Variants in AFF3 observed in about 807,000 individuals in gnomAD.
The protein encoded by AFF3 is AF4/FMR2 family member 3.
Under a neutral mutation model 129.7 loss-of-function variants are expected in AFF3, and 32 were observed. The ratio of observed to expected loss-of-function variants is 0.25; its 90% CI spans 0.19 to 0.33. The LOEUF is 0.33. AFF3 is among the 10% of genes least tolerant of loss of function. AFF3 has a pLI of 1.00. For synonymous variants in AFF3, 644 were observed against 635.4 expected, an observed-to-expected ratio of 1.01 and a Z score of -0.20; for missense variants, 1,373 against 1,592.0, an observed-to-expected ratio of 0.86 and a Z score of 2.34.
intron 7 of AFF3, among the ~76,000 whole-genome samples, chr2:99,952,783 C>T (rs1311481283): frequency 6.6e-6 from 1 of 152,170 alleles, no homozygotes; most frequent in Non-Finnish European, 1.5e-5. Context: ...CTGACTCACT[C>T]AGGCAGGGCA....
chr2:99,949,968 T>C (rs1675988927), intron 7 of AFF3, among the ~76,000 whole-genome samples: 1 of 152,226 alleles, frequency 6.6e-6, no homozygotes, highest in African/African-American at 2.4e-5. Flanking sequence ...TGGAATAAAA[T>C]GTCTTTTCAC....
intron 13 of AFF3, among the ~76,000 whole-genome samples, chr2:99,648,817 G>A (rs1191678288): frequency 1.3e-5 from 2 of 151,128 alleles, no homozygotes; most frequent in Non-Finnish European, 2.9e-5. Context: ...TCCTCCTGCT[G>A]CTTCTAATGC....
chr2:99,757,794 C>T (rs1682245977), intron 8 of AFF3, among the ~76,000 whole-genome samples: 1 of 152,212 alleles, frequency 6.6e-6, no homozygotes, highest in African/African-American at 2.4e-5. Context: ...GGGTTGTTTA[C>T]TCATCAGTCA....
At chr2:99,587,511 C>T (rs750649338) in intron 15 of AFF3, among the ~76,000 whole-genome samples, 4 of 152,130 alleles carry the variant, frequency 2.6e-5, no homozygotes, top group East Asian at 1.9e-4. Context: ...AGAGGCACGA[C>T]GCCATGATTC....
rs1452258858 is a variant in AFF3, at chr2:99,550,665, C to T, written c.*809G>A. The T allele has an allele frequency of 4.3e-6, 1 of 232,704 alleles. No homozygotes were observed. The highest frequency in any genetic ancestry group is 6.0e-5 in the East Asian group (1 of 16,534). The allele number at this position is 232,704 out of a possible 1,614,324, so 14.4% of individuals were successfully genotyped here. On this transcript the variant is annotated 3_prime_UTR_variant, in exon 25 of 25. Coordinates refer to ENST00000672756, the MANE Select transcript of AFF3 (RefSeq NM_001386135.1). ...AAAACTTCAACTCCTAACTGAGCTC[C>T]AACACACAGGCACTGCTACCTTAGT...
intron 11 of AFF3, among the ~76,000 whole-genome samples, chr2:99,701,197 ACACT>A: frequency 6.6e-6 from 1 of 152,242 alleles, no homozygotes; most frequent in South Asian, 2.1e-4. Flanking sequence ...TAGACTGGTA[ACACT>A]CACTCCCATG....
chr2:99,842,802 C>T (rs1689418088), intron 7 of AFF3, among the ~76,000 whole-genome samples: 1 of 152,284 alleles, frequency 6.6e-6, no homozygotes, highest in Admixed American at 6.5e-5. Context: ...ATGCCAAGCA[C>T]AGAATATGGG....
intron 15 of AFF3, among the ~76,000 whole-genome samples, chr2:99,591,197 A>C (rs983017411): frequency 2.6e-5 from 4 of 151,710 alleles, no homozygotes; most frequent in South Asian, 2.1e-4. Context: ...TTATTTATTT[A>C]TTTCTTTGAG....
At chr2:99,711,186 C>T (rs1183331273) in intron 11 of AFF3, among the ~76,000 whole-genome samples, 1 of 152,080 alleles carries the variant, frequency 6.6e-6, no homozygotes, top group Non-Finnish European at 1.5e-5. Context: ...TAACATCTCT[C>T]CCGTTTCATG....
rs367824677 is a variant in AFF3 at position 99,604,514 on chromosome 2, CTAATGGGTACAGGCT to C, written c.1185-2908_1185-2894del. ...GGAGGCAGAGGGTCAGGAAAAATAA[CTAATGGGTACAGGCT>C]TAATATCTGAGTGATGAAATAATCT... On this transcript the variant is annotated intron_variant, in intron 13 of 24. Transcript: ENST00000672756. Among the ~76,000 whole-genome samples the C allele has an allele frequency of 4.7e-4, 71 of 152,228 alleles. No individual in the cohort carries two copies. In the East Asian group the frequency reaches 8.9e-3, roughly 19 times the overall value.
rs189697830 is a variant in AFF3 at position 99,788,630 on chromosome 2, A to C, written c.922-36329T>G. 6.9e-3 allele frequency among the ~76,000 whole-genome samples: 1,058 copies of C among 152,340 alleles called. 11 individuals carry two copies. The highest frequency in any genetic ancestry group is 0.024 in the African/African-American group (996 of 41,572). On this transcript the variant is annotated intron_variant, in intron 8 of 24. Transcript: ENST00000672756. ...AAAGTAAAAAGGTTACAGTAAGAAT[A>C]GGCTAAGGTTAATTTATTACTGAAG...
intron 14 of AFF3, among the ~76,000 whole-genome samples, chr2:99,599,431 G>T (rs568156461): frequency 6.6e-6 from 1 of 152,172 alleles, no homozygotes; most frequent in South Asian, 2.1e-4. Flanking sequence ...GCTAATTTTT[G>T]TATTTTTAGT....
chr2:99,878,251 T>G (rs1269923904), intron 7 of AFF3, among the ~76,000 whole-genome samples: 1 of 152,198 alleles, frequency 6.6e-6, no homozygotes, highest in Non-Finnish European at 1.5e-5. Flanking sequence ...AATTTGACCT[T>G]GGAACAGAAT....
At chr2:99,732,068 A>C (rs556334472) in intron 10 of AFF3, among the ~76,000 whole-genome samples, 1 of 152,234 alleles carries the variant, frequency 6.6e-6, no homozygotes, top group African/African-American at 2.4e-5. Flanking sequence ...TGGTAAAAGA[A>C]TTGTGGCTGG....
At chr2:99,652,344 G>A (rs906056239) in intron 12 of AFF3, among the ~76,000 whole-genome samples, 2 of 152,108 alleles carry the variant, frequency 1.3e-5, no homozygotes, top group African/African-American at 4.8e-5. Flanking sequence ...ACATTCATGA[G>A]GGGGATCAAT....
chr2:100,003,575 G>A (rs10209764), intron 7 of AFF3, among the ~76,000 whole-genome samples: 9,661 of 152,248 alleles, frequency 0.063, 1,066 homozygotes, highest in African/African-American at 0.22. Context: ...CAGCCAAGAA[G>A]CAGGTGTAAG....
At chr2:100,014,105 CT>C (rs761844080) in intron 4 of AFF3, among the ~76,000 whole-genome samples, 4 of 151,548 alleles carry the variant, frequency 2.6e-5, no homozygotes, top group Non-Finnish European at 4.4e-5. Flanking sequence ...CTGATGAAAT[CT>C]GATGAAATGC....
In AFF3 at chr2:99,592,943, C is replaced by CCCA. The variant is rs766393879; in HGVS notation, c.2466+251_2466+252insTGG. On this transcript the variant is annotated intron_variant, in intron 15 of 24. Coordinates refer to ENST00000672756, the MANE Select transcript of AFF3 (RefSeq NM_001386135.1). ...AGAGTGAGACTCCCTCCCCCCCCCC[C>CCCA]AAAAAAAGGGATAATAATGGTACTT... 5.8e-4 allele frequency among the ~76,000 whole-genome samples: 72 copies of CCCA among 123,094 alleles called. 1 individual carries two copies. Among genetic ancestry groups the CCCA allele is most frequent in the African/African-American group, 1.7e-3 (53 of 31,966 alleles). The allele number at this position is 123,094 out of a possible 152,430, so 80.8% of individuals were successfully genotyped here. A position where few individuals can be genotyped will look rare whatever the true frequency, so the allele number is the denominator to read the frequency against.
intron 24 of AFF3, among the ~76,000 whole-genome samples, chr2:99,554,104 A>C (rs912925367): frequency 1.3e-5 from 2 of 152,188 alleles, no homozygotes; most frequent in African/African-American, 4.8e-5. Flanking sequence ...GTGACTGTAT[A>C]ATCAATGTAC....
Sources: allele counts gnomAD v4.1 joint callset (sites outside exome capture counted in the v4.1 genomes callset), GRCh38; gene constraint gnomAD v4.1.1; transcripts MANE v1.5; gene names NCBI Gene and HGNC (gene_info 2026-07-23, HGNC 2026-07-21).